OXR1: variants seen among roughly 807,000 people sequenced by gnomAD.
The protein encoded by OXR1 is oxidation resistance protein 1.
Under a neutral mutation model 104.6 loss-of-function variants are expected in OXR1, and 41 were observed. That is an observed-to-expected ratio of 0.39 (90% CI 0.31 to 0.51). The LOEUF (loss-of-function observed/expected upper bound fraction) is 0.51, where lower values mean the gene tolerates loss of function less well. Among genes scored for constraint, OXR1 ranks in the 20% least tolerant of loss-of-function variants. The probability of loss-of-function intolerance (pLI) is 0.77; values close to 1 mark genes in which losing one functional copy is unlikely to be tolerated. For synonymous variants in OXR1, 348 were observed against 348.4 expected, an observed-to-expected ratio of 1.00 and a Z score of 0.01; for missense variants, 955 against 1,031.9, an observed-to-expected ratio of 0.93 and a Z score of 1.02.
chr8:106,611,809 T>TTTAAAAC (rs1820832376), intron 3 of OXR1, among the ~76,000 whole-genome samples: 1 of 152,210 alleles, frequency 6.6e-6, no homozygotes, highest in Non-Finnish European at 1.5e-5. Flanking sequence ...TGTAAGGAAG[T>TTTAAAAC]ATAACATATT....
rs185978381 is a variant in OXR1, at chr8:106,742,414, C to G, written c.2412+97C>G. On this transcript the variant is annotated intron_variant, in intron 15 of 16. Coordinates refer to ENST00000517566, the MANE Select transcript of OXR1 (RefSeq NM_001198533.2). ...TTCAGTGCTATTCCCATTAAACTAC[C>G]ACTGATATTCTTCACAGAATTAGGA... The G allele has an allele frequency of 7.5e-6, 5 of 667,008 alleles. No homozygotes were observed. In the Admixed American group the frequency reaches 1.5e-4, roughly 20 times the overall value. 41.3% of individuals were successfully genotyped at this position (667,008 alleles called of 1,614,324 possible).
chr8:106,523,900 G>A (rs78522605), intron 3 of OXR1, among the ~76,000 whole-genome samples: 11 of 151,612 alleles, frequency 7.3e-5, no homozygotes, highest in Admixed American at 2.0e-4. Flanking sequence ...TCAGCCTCCC[G>A]AGTAGCTGGG....
chr8:106,461,014 A>T (rs1820879492), intron 2 of OXR1, among the ~76,000 whole-genome samples: 1 of 152,068 alleles, frequency 6.6e-6, no homozygotes, highest in East Asian at 1.9e-4. Context: ...GAACAAGCAG[A>T]TGTTTAGCCT....
intron 11 of OXR1, among the ~76,000 whole-genome samples, chr8:106,719,838 G>A (rs1158567828): frequency 6.6e-6 from 1 of 151,512 alleles, no homozygotes; most frequent in African/African-American, 2.4e-5. Flanking sequence ...TGGAGTCTCC[G>A]TCTGTCGCTC....
chr8:106,528,782 C>G (rs978824380), intron 3 of OXR1, among the ~76,000 whole-genome samples: 9 of 152,200 alleles, frequency 5.9e-5, no homozygotes, highest in African/African-American at 2.2e-4. Flanking sequence ...CACCACTGAC[C>G]TGGAACGTTC....
At chr8:106,714,919 G>A (rs1832081205) in intron 11 of OXR1, among the ~76,000 whole-genome samples, 1 of 152,044 alleles carries the variant, frequency 6.6e-6, no homozygotes, top group African/African-American at 2.4e-5. Context: ...ATTCTGTGTA[G>A]TATATACAGC....
chr8:106,531,920 G>A (rs976830217), intron 3 of OXR1, among the ~76,000 whole-genome samples: 6 of 152,082 alleles, frequency 3.9e-5, no homozygotes, highest in African/African-American at 1.4e-4. Flanking sequence ...AAGGAAAAGG[G>A]GAATATAAAT....
At chr8:106,315,727 A>C (rs934730195) in intron 1 of OXR1, among the ~76,000 whole-genome samples, 3 of 152,184 alleles carry the variant, frequency 2.0e-5, no homozygotes, top group Admixed American at 1.3e-4. Context: ...GTAGAAAGGA[A>C]ACTGAAGTTC....
chr8:106,566,221 T>A (rs1409639575), intron 3 of OXR1, among the ~76,000 whole-genome samples: 4 of 151,960 alleles, frequency 2.6e-5, no homozygotes, highest in Non-Finnish European at 5.9e-5. Context: ...TTGCCATCTA[T>A]CCATCTGACA....
chr8:106,328,573 G>A lies in OXR1; in HGVS notation c.-138-30903G>A, dbSNP rs1461522395. On this transcript the variant is annotated intron_variant, in intron 1 of 16. Transcript: ENST00000517566. ...GAAGTGTCTGTAAGGCTACCGTGCT[G>A]GAAGCTGGTTGTTTGGGGTATGTGA... Among the ~76,000 whole-genome samples, 3 of 152,200 alleles carry A rather than the reference G, an allele frequency of 2.0e-5. No homozygotes were observed. The East Asian group carries it at 5.8e-4, about 29-fold the overall frequency.
At chr8:106,377,309 G>T (rs1474120531) in intron 2 of OXR1, among the ~76,000 whole-genome samples, 3 of 151,454 alleles carry the variant, frequency 2.0e-5, no homozygotes, top group Non-Finnish European at 4.4e-5. Context: ...CAGTCTCCCC[G>T]GTAGATGGGA....
chr8:106,633,252 C>G (rs896418695), intron 3 of OXR1, among the ~76,000 whole-genome samples: 2 of 151,450 alleles, frequency 1.3e-5, no homozygotes, highest in East Asian at 3.9e-4. Context: ...CAAAACAAAA[C>G]AAACAACAAC....
At chr8:106,601,368 C>T (rs926007562) in intron 3 of OXR1, among the ~76,000 whole-genome samples, 1 of 152,120 alleles carries the variant, frequency 6.6e-6, no homozygotes, top group East Asian at 1.9e-4. Context: ...TTATTTCTCA[C>T]AGTTTGGAAG....
intron 7 of OXR1, among the ~76,000 whole-genome samples, chr8:106,699,337 T>C (rs930482536): frequency 3.3e-5 from 5 of 152,182 alleles, no homozygotes; most frequent in African/African-American, 7.2e-5. Context: ...GAACCCTTTG[T>C]AGACCTCTAA....
At chr8:106,671,720 AG>A (rs1242369836) in intron 3 of OXR1, among the ~76,000 whole-genome samples, 1 of 151,012 alleles carries the variant, frequency 6.6e-6, no homozygotes, top group Non-Finnish European at 1.5e-5. Flanking sequence ...TCACAAGGAC[AG>A]AAAACCAAAC....
intron 1 of OXR1, among the ~76,000 whole-genome samples, chr8:106,285,532 C>G (rs1211382326): frequency 6.6e-6 from 1 of 151,984 alleles, no homozygotes; most frequent in African/African-American, 2.4e-5. Flanking sequence ...CCCATATGTG[C>G]AATTTCTGAA....
intron 11 of OXR1, among the ~76,000 whole-genome samples, chr8:106,719,331 T>G (rs1400937017): frequency 6.6e-6 from 1 of 152,216 alleles, no homozygotes; most frequent in African/African-American, 2.4e-5. Context: ...ATCGCACTTT[T>G]GTTCAATAAA....
intron 1 of OXR1, among the ~76,000 whole-genome samples, chr8:106,323,857 AT>A (rs537491274): frequency 2.2e-4 from 33 of 152,332 alleles, no homozygotes; most frequent in African/African-American, 4.6e-4. Context: ...AAGTAAAAAA[AT>A]AATAGATGCT....
intron 3 of OXR1, among the ~76,000 whole-genome samples, chr8:106,665,118 C>T (rs1563682121): frequency 6.6e-6 from 1 of 152,208 alleles, no homozygotes; most frequent in East Asian, 1.9e-4. Flanking sequence ...GTCAGAGTCA[C>T]TGTTGGCTGG....
Sources: allele counts gnomAD v4.1 joint callset (sites outside exome capture counted in the v4.1 genomes callset), GRCh38; gene constraint gnomAD v4.1.1; transcripts MANE v1.5; gene names NCBI Gene and HGNC (gene_info 2026-07-23, HGNC 2026-07-21).